DAPK1: variants seen among roughly 807,000 people sequenced by gnomAD.
DAPK1 encodes death-associated protein kinase 1.
In DAPK1, 56 loss-of-function variants were observed where a neutral mutation model predicts 144.9. The ratio of observed to expected loss-of-function variants is 0.39; its 90% CI spans 0.31 to 0.48. DAPK1 has a LOEUF of 0.48. Among genes scored for constraint, DAPK1 ranks in the 20% least tolerant of loss-of-function variants. DAPK1 has a pLI of 0.95. For missense variants in DAPK1, 1,454 were observed against 1,875.4 expected (o/e 0.78, Z 4.15); for synonymous variants, 690 against 749.0 (o/e 0.92, Z 1.29).
rs1302621509 is a variant in DAPK1, at chr9:87,643,550, C to T, written c.1011+82C>T. On this transcript the variant is annotated intron_variant, in intron 11 of 25. Coordinates refer to ENST00000408954, the MANE Select transcript of DAPK1 (RefSeq NM_004938.4). ...CCAAGCTGTTCTATTTGTTCAACCT[C>T]CCAGGAACCTGAAGTTGTGGAAATG... 4 of 926,744 alleles carry T rather than the reference C, an allele frequency of 4.3e-6. No homozygotes were observed. In the African/African-American group the frequency reaches 5.0e-5, roughly 12 times the overall value. The allele number at this position is 926,744 out of a possible 1,614,324, so 57.4% of individuals were successfully genotyped here.
chr9:87,664,919 G>C (rs1394534447), intron 18 of DAPK1, among the ~76,000 whole-genome samples: 2 of 152,152 alleles, frequency 1.3e-5, no homozygotes, highest in Non-Finnish European at 2.9e-5. Context: ...GAGCTTCCTT[G>C]ATGTTCTTCA....
chr9:87,530,894 A>G (rs944804765), intron 2 of DAPK1, among the ~76,000 whole-genome samples: 1 of 109,046 alleles, frequency 9.2e-6, no homozygotes. Context: ...ACCTCTCCAT[A>G]TTCATGCAGG....
chr9:87,527,176 A>G (rs1249408681), intron 2 of DAPK1, among the ~76,000 whole-genome samples: 2 of 151,642 alleles, frequency 1.3e-5, no homozygotes, highest in Non-Finnish European at 1.5e-5. Flanking sequence ...TTGGTCTCCC[A>G]GTGACTGTAA....
intron 9 of DAPK1, 63 bp downstream of exon 9, chr9:87,640,910 T>C (rs939402962): frequency 1.1e-5 from 16 of 1,481,276 alleles, no homozygotes; most frequent in Non-Finnish European, 1.4e-5. Context: ...GGCACCCTGG[T>C]ATTCATGTAT....
At chr9:87,601,300 A>G (rs1026756521) in intron 2 of DAPK1, among the ~76,000 whole-genome samples, 9 of 152,204 alleles carry the variant, frequency 5.9e-5, no homozygotes, top group Non-Finnish European at 5.9e-5. Flanking sequence ...CATCACACAC[A>G]AAGGCTCCCA....
Position 87,637,938 on chromosome 9 carries a change from C to T in DAPK1, c.285-5C>T, listed in dbSNP as rs749546329. On this transcript the variant is annotated splice_region_variant and splice_polypyrimidine_tract_variant and intron_variant, in intron 3 of 25. Transcript: ENST00000408954. ...TACCAATAACCTCTGCTTCCGGGTTCTCAGCGTTGCAGGTGGCGAGCTGTT... is the reference window on the plus strand; with the variant it reads ...TACCAATAACCTCTGCTTCCGGGTTTTCAGCGTTGCAGGTGGCGAGCTGTT... 2.5e-6 allele frequency: 4 copies of T among 1,613,266 alleles called. 1 individual carries two copies. The East Asian group carries it at 6.7e-5, about 27-fold the overall frequency.
In DAPK1 at chr9:87,707,787, G is replaced by T; in HGVS notation, c.*423G>T. On this transcript the variant is annotated 3_prime_UTR_variant, in exon 26 of 26. Transcript: ENST00000408954. This position sits in a 1 kb window ranked among gnomAD's most constrained non-coding sequence, Gnocchi z 4.0. ...TATCCAAAATGTGTATTTCTTATAC[G>T]CTTTTCTTTGTTATACCATTTCCTC... 1 of 454,864 alleles carries T rather than the reference G, an allele frequency of 2.2e-6. No individual in the cohort carries two copies. Among genetic ancestry groups the T allele is most frequent in the Middle Eastern group, 3.3e-4 (1 of 3,014 alleles). The allele number at this position is 454,864 out of a possible 1,614,324, so 28.2% of individuals were successfully genotyped here.
At chr9:87,691,808 T>C (rs1172073520) in intron 21 of DAPK1, among the ~76,000 whole-genome samples, 3 of 152,150 alleles carry the variant, frequency 2.0e-5, no homozygotes, top group Non-Finnish European at 4.4e-5. Flanking sequence ...CCTCTTGTTA[T>C]CAATTTCTAG....
Position 87,707,062 on chromosome 9 carries a change from G to A in DAPK1, c.3991G>A (p.Ala1331Thr). ...CCTGGGGAAGGACTGGTGCCTTCTC[G>A]CCATGAACTTAGGCCTCCCTGACCT... ...DPLGKDWCLL[A>T]MNLGLPDLVA... The change falls in exon 26 of 26, where the codon GCC becomes ACC. Residue 1331 changes from alanine to threonine, a missense_variant. By Grantham distance (58) the Ala-to-Thr change is moderately conservative. Around this residue, in one of 2 missense-constraint regions of DAPK1, gnomAD observed 1,025 missense variants for 1,237.9 expected, o/e 0.83. Transcript: ENST00000408954. This position sits in a 1 kb window ranked among gnomAD's most constrained non-coding sequence, Gnocchi z 4.0. The A allele has an allele frequency of 1.2e-6, 2 of 1,613,750 alleles. No homozygotes were observed. The highest frequency in any genetic ancestry group is 8.5e-7 in the Non-Finnish European group (1 of 1,179,750).
At chr9:87,563,532 A>T (rs1827007434) in intron 2 of DAPK1, among the ~76,000 whole-genome samples, 1 of 152,200 alleles carries the variant, frequency 6.6e-6, no homozygotes, top group Non-Finnish European at 1.5e-5. Context: ...TCTGCCCAGC[A>T]GAGTCTTGCA....
intron 2 of DAPK1, among the ~76,000 whole-genome samples, chr9:87,565,843 T>A (rs749947267): frequency 6.6e-6 from 1 of 152,174 alleles, no homozygotes; most frequent in African/African-American, 2.4e-5. Context: ...TGTGCTAAGC[T>A]CTTTACATGT....
At chr9:87,504,485 C>T (rs950725132) in intron 2 of DAPK1, among the ~76,000 whole-genome samples, 9 of 152,224 alleles carry the variant, frequency 5.9e-5, no homozygotes, top group South Asian at 4.1e-4. Context: ...GCTTATTGGT[C>T]GGGAAGCCAG....
At chr9:87,607,369 T>C (rs1204817109) in intron 3 of DAPK1, among the ~76,000 whole-genome samples, 2 of 152,200 alleles carry the variant, frequency 1.3e-5, no homozygotes, top group Non-Finnish European at 2.9e-5. Flanking sequence ...TTCTGCCTTT[T>C]CAGATAATTC....
chr9:87,601,477 A>G (rs565567795), intron 2 of DAPK1, among the ~76,000 whole-genome samples: 1 of 151,882 alleles, frequency 6.6e-6, no homozygotes, highest in South Asian at 2.1e-4. Flanking sequence ...ATAGTTGTAT[A>G]CATCGTTAGC....
At chr9:87,629,106 C>T (rs1157565600) in intron 3 of DAPK1, among the ~76,000 whole-genome samples, 1 of 152,210 alleles carries the variant, frequency 6.6e-6, no homozygotes, top group Non-Finnish European at 1.5e-5. Flanking sequence ...AGAGATCATT[C>T]TTCTCATTGG....
chr9:87,528,025 A>T (rs929621948), intron 2 of DAPK1, among the ~76,000 whole-genome samples: 1 of 152,184 alleles, frequency 6.6e-6, no homozygotes, highest in Non-Finnish European at 1.5e-5. Flanking sequence ...ACACCAATAC[A>T]TATATAGGTA....
intron 2 of DAPK1, among the ~76,000 whole-genome samples, chr9:87,582,925 A>G (rs78934970): frequency 0.12 from 18,433 of 151,768 alleles, 1,291 homozygotes; most frequent in South Asian, 0.16. Flanking sequence ...GAACCACAGG[A>G]GCAGCAGCAG....
At chr9:87,597,054 G>C (rs1343695718) in intron 2 of DAPK1, among the ~76,000 whole-genome samples, 1 of 152,066 alleles carries the variant, frequency 6.6e-6, no homozygotes, top group Non-Finnish European at 1.5e-5. Flanking sequence ...AACTGCATGC[G>C]ACCTCTCTAC....
intron 2 of DAPK1, among the ~76,000 whole-genome samples, chr9:87,532,539 T>G (rs1479244439): frequency 1.3e-5 from 2 of 152,200 alleles, no homozygotes; most frequent in Non-Finnish European, 2.9e-5. Context: ...TTAAGAAAAT[T>G]CTAAAATCTA....
Sources: allele counts gnomAD v4.1 joint callset (sites outside exome capture counted in the v4.1 genomes callset), GRCh38; gene constraint gnomAD v4.1.1; regional missense constraint gnomAD v4.1.1; non-coding constraint Gnocchi (gnomAD v3.1); transcripts MANE v1.5; gene names NCBI Gene and HGNC (gene_info 2026-07-23, HGNC 2026-07-21).